Variants in NXPE2 observed in about 807,000 individuals in gnomAD.
The protein encoded by NXPE2 is neurexophilin and PC-esterase domain family member 2, also known as NXPE family member 2.
In NXPE2, 34 loss-of-function variants were observed where a neutral mutation model predicts 34.4. The ratio of observed to expected loss-of-function variants is 0.99; its 90% CI spans 0.75 to 1.31. The LOEUF is 1.31. NXPE2 is among the 40% of genes most tolerant of loss of function. The probability of loss-of-function intolerance (pLI) is 0.00; values close to 1 mark genes in which losing one functional copy is unlikely to be tolerated. For missense variants in NXPE2, 649 were observed against 672.5 expected (o/e 0.97, Z 0.39); for synonymous variants, 235 against 231.3 (o/e 1.02, Z -0.15).
At chr11:114,682,726 C>T (rs1444786677) in intron 2 of NXPE2, among the ~76,000 whole-genome samples, 1 of 151,972 alleles carries the variant, frequency 6.6e-6, no homozygotes, top group Non-Finnish European at 1.5e-5. Flanking sequence ...AGTCCAGTTA[C>T]CAAAAGGCAA....
At chr11:114,602,744 A>T in the NXPE2 span, among the ~76,000 whole-genome samples, 1 of 144,634 alleles carries the variant, frequency 6.9e-6, no homozygotes, top group Non-Finnish European at 1.5e-5. Context: ...ATAATTAAAG[A>T]ATCATATATA....
At chr11:114,632,393 A>G in the NXPE2 span, among the ~76,000 whole-genome samples, 1 of 133,428 alleles carries the variant, frequency 7.5e-6, no homozygotes, top group African/African-American at 2.7e-5. Context: ...TGATATAAAT[A>G]TAAATATACA....
At chr11:114,782,559 G>T in the NXPE2 span, among the ~76,000 whole-genome samples, 5 of 152,192 alleles carry the variant, frequency 3.3e-5, no homozygotes, top group South Asian at 1.0e-3. Context: ...GAAGACTCCA[G>T]GAGAGATTTT....
At chr11:114,673,266 C>T in the NXPE2 span, among the ~76,000 whole-genome samples, 1 of 151,260 alleles carries the variant, frequency 6.6e-6, no homozygotes, top group Admixed American at 6.6e-5. Flanking sequence ...AATCAGAATA[C>T]ACTTTCAGAT....
At chr11:114,776,461 C>G in the NXPE2 span, among the ~76,000 whole-genome samples, 87 of 152,366 alleles carry the variant, frequency 5.7e-4, no homozygotes, top group East Asian at 0.017. Context: ...TGTGGAGAGA[C>G]CTCTGGCTCG....
chr11:114,579,975 T>C, the NXPE2 span, among the ~76,000 whole-genome samples: 2 of 152,236 alleles, frequency 1.3e-5, no homozygotes, highest in Non-Finnish European at 2.9e-5. Flanking sequence ...TGTATTGTTT[T>C]TTTAAAGGAA....
At chr11:114,557,139 G>A in the NXPE2 span, among the ~76,000 whole-genome samples, 17 of 152,056 alleles carry the variant, frequency 1.1e-4, no homozygotes, top group Admixed American at 7.2e-4. Context: ...AGTAATCTGC[G>A]TGCCTCAGCC....
chr11:114,634,980 G>GT, the NXPE2 span, among the ~76,000 whole-genome samples: 4 of 152,030 alleles, frequency 2.6e-5, no homozygotes, highest in East Asian at 1.9e-4. Flanking sequence ...CTTTAAAGTA[G>GT]TTTTTTCCAA....
At chr11:114,791,459 G>T in the NXPE2 span, among the ~76,000 whole-genome samples, 1 of 152,206 alleles carries the variant, frequency 6.6e-6, no homozygotes, top group Admixed American at 6.5e-5. Flanking sequence ...GTCACAGGGT[G>T]CGTACAGAGA....
At chr11:114,758,061 C>T in the NXPE2 span, among the ~76,000 whole-genome samples, 2 of 152,148 alleles carry the variant, frequency 1.3e-5, no homozygotes, top group Non-Finnish European at 2.9e-5. Flanking sequence ...GCCTTTTCCT[C>T]CCAGCCTCCA....
At chr11:114,534,546 A>C in the NXPE2 span, among the ~76,000 whole-genome samples, 2 of 152,244 alleles carry the variant, frequency 1.3e-5, no homozygotes, top group African/African-American at 4.8e-5. Flanking sequence ...AAAAAAAATT[A>C]GATGAATGGA....
the NXPE2 span, among the ~76,000 whole-genome samples, chr11:114,581,032 AAAT>A: frequency 1.3e-5 from 2 of 152,196 alleles, no homozygotes; most frequent in African/African-American, 4.8e-5. Context: ...TGTGTGGTAA[AAAT>A]AACATTTCTA....
the NXPE2 span, among the ~76,000 whole-genome samples, chr11:114,787,607 G>A: frequency 6.6e-6 from 1 of 152,136 alleles, no homozygotes; most frequent in Non-Finnish European, 1.5e-5. Context: ...CATCTGGGCT[G>A]GGGAGTTGGA....
chr11:114,745,868 G>A, the NXPE2 span, among the ~76,000 whole-genome samples: 4 of 151,956 alleles, frequency 2.6e-5, no homozygotes, highest in South Asian at 2.1e-4. Flanking sequence ...GTGTAGGGAC[G>A]ATGGAACAGC....
chr11:114,492,905 A>G, the NXPE2 span, among the ~76,000 whole-genome samples: 1 of 152,164 alleles, frequency 6.6e-6, no homozygotes, highest in Non-Finnish European at 1.5e-5. Context: ...TTGGGGTGTT[A>G]AATTTTCCAA....
the NXPE2 span, among the ~76,000 whole-genome samples, chr11:114,581,420 G>A: frequency 3.3e-5 from 5 of 152,258 alleles, no homozygotes; most frequent in East Asian, 7.7e-4. Context: ...TTGTGGTGAG[G>A]TAAAGAAGTG....
chr11:114,580,310 G>A, the NXPE2 span: 5 of 1,613,950 alleles, frequency 3.1e-6, no homozygotes, highest in Non-Finnish European at 4.2e-6. Flanking sequence ...TTCCAAACTT[G>A]CATTTCTCTT....
the NXPE2 span, among the ~76,000 whole-genome samples, chr11:114,782,743 C>T: frequency 1.6e-4 from 25 of 152,246 alleles, 1 homozygote; most frequent in East Asian, 4.6e-3. Context: ...TTCATCAGGA[C>T]GAGGTATGGT....
Position 114,706,800 on chromosome 11 carries a change from T to A in NXPE2, c.1550T>A (p.Ile517Asn). 1 of 1,552,332 alleles carries A rather than the reference T, an allele frequency of 6.4e-7. No individual in the cohort carries two copies. Among genetic ancestry groups the A allele is most frequent in the African/African-American group, 1.4e-5 (1 of 73,190 alleles). The change falls in exon 6 of 6, where the codon ATT becomes AAT. Residue 517 changes from isoleucine to asparagine, a missense_variant. Transcript: ENST00000389586. ...ATTCAGAATCTTATCATAAGAGATA[T>A]TTTTGTGGATCTTAATGTGGGTATT... is the stretch of plus-strand genomic sequence containing the variant. ...GYIQNLIIRD[I>N]FVDLNVGIID...
Sources: gnomAD v4.1 joint callset for allele counts (sites outside exome capture counted in the v4.1 genomes callset) on GRCh38, gnomAD v4.1.1 for gene constraint, MANE v1.5 for transcripts, NCBI Gene and HGNC (gene_info 2026-07-23, HGNC 2026-07-21) for gene names.